The following NALCN variants were observed in gnomAD, a reference collection of about 807,000 sequenced individuals.
NALCN encodes sodium leak channel NALCN.
A neutral mutation model predicts 225.3 loss-of-function variants in NALCN; 111 were observed. The observed-to-expected ratio is 0.49, with a 90% CI of 0.42 to 0.58. The LOEUF (loss-of-function observed/expected upper bound fraction) is 0.58, where lower values mean the gene tolerates loss of function less well. Ranked by LOEUF, NALCN falls within the 20% of genes least tolerant of loss-of-function variation. The pLI, the probability that NALCN is intolerant of heterozygous loss-of-function variation, is 0.00. For missense variants in NALCN, 1,378 were observed against 2,202.4 expected (o/e 0.63, Z 7.49); for synonymous variants, 764 against 769.0 (o/e 0.99, Z 0.11).
At chr13:101,055,791 A>G (rs752384100) in intron 43 of NALCN, among the ~76,000 whole-genome samples, 1 of 152,164 alleles carries the variant, frequency 6.6e-6, no homozygotes, top group African/African-American at 2.4e-5. Flanking sequence ...GGAACTATTA[A>G]GTGTCACAGA....
At chr13:101,308,925 A>T (rs2044245876) in intron 7 of NALCN, among the ~76,000 whole-genome samples, 1 of 152,020 alleles carries the variant, frequency 6.6e-6, no homozygotes, top group Admixed American at 6.5e-5. Flanking sequence ...CGAAGAATGA[A>T]CTCCACCCAT....
rs112726018 is a variant in NALCN at position 101,310,997 on chromosome 13, G to A, written c.800-18631C>T. ...TTGATTCTTCCTACCCATGAGCATG[G>A]AATGTTCTTCCATTTGTTTGTATCC... On this transcript the variant is annotated intron_variant, in intron 7 of 43. Coordinates refer to ENST00000251127, the MANE Select transcript of NALCN (RefSeq NM_052867.4). 9.7e-3 allele frequency among the ~76,000 whole-genome samples: 1,478 copies of A among 151,954 alleles called. 24 individuals are homozygous for A. Among genetic ancestry groups the A allele is most frequent in the African/African-American group, 0.034 (1,405 of 41,428 alleles).
rs2030953540 is a variant in NALCN at position 101,054,438 on chromosome 13, A to G, written c.*857T>C. On this transcript the variant is annotated 3_prime_UTR_variant, in exon 44 of 44. Coordinates refer to ENST00000251127, the MANE Select transcript of NALCN (RefSeq NM_052867.4). ...ATACCTTGGGTAAGAAATGAAGCCAATGATAACATCACACATGCAAAGATT... is the reference window on the plus strand; with the variant it reads ...ATACCTTGGGTAAGAAATGAAGCCAGTGATAACATCACACATGCAAAGATT... 1 of 151,230 alleles carries G rather than the reference A, an allele frequency of 6.6e-6. No homozygotes were observed. Among genetic ancestry groups the G allele is most frequent in the Non-Finnish European group, 1.5e-5 (1 of 67,616 alleles). 9.4% of individuals were successfully genotyped at this position (151,230 alleles called of 1,614,324 possible). A position where few individuals can be genotyped will look rare whatever the true frequency, so the allele number is the denominator to read the frequency against.
At chr13:101,335,770 G>A (rs959441440) in intron 7 of NALCN, among the ~76,000 whole-genome samples, 2 of 151,306 alleles carry the variant, frequency 1.3e-5, no homozygotes, top group African/African-American at 4.9e-5. Flanking sequence ...TCTTTACTGG[G>A]CTTTTTCTTT....
intron 6 of NALCN, among the ~76,000 whole-genome samples, chr13:101,362,873 T>C (rs2046286307): frequency 6.6e-6 from 1 of 152,024 alleles, no homozygotes; most frequent in Non-Finnish European, 1.5e-5. Context: ...TTAGAAATGA[T>C]AAGCAAACTC....
At chr13:101,141,142 G>A (rs978480352) in intron 17 of NALCN, among the ~76,000 whole-genome samples, 2 of 152,166 alleles carry the variant, frequency 1.3e-5, no homozygotes, top group African/African-American at 2.4e-5. Context: ...AATCCCAGGG[G>A]AGAGAGAAGC....
intron 13 of NALCN, among the ~76,000 whole-genome samples, chr13:101,228,481 C>T (rs2041231120): frequency 6.6e-6 from 1 of 152,048 alleles, no homozygotes; most frequent in Non-Finnish European, 1.5e-5. Flanking sequence ...GCGGTTTCCC[C>T]CCTGCTGCTC....
intron 14 of NALCN, chr13:101,181,399 T>G: frequency 2.0e-6 from 1 of 505,580 alleles, no homozygotes; most frequent in Non-Finnish European, 4.0e-6. Flanking sequence ...TTTTAAAAGT[T>G]CTGGGGCTTT....
At chr13:101,086,732 T>C (rs1259598292) in intron 30 of NALCN, among the ~76,000 whole-genome samples, 1 of 152,126 alleles carries the variant, frequency 6.6e-6, no homozygotes, top group Non-Finnish European at 1.5e-5. Context: ...TGATTTTGGA[T>C]TTTCTAGCTT....
At chr13:101,302,562 G>A (rs1447353764) in intron 7 of NALCN, among the ~76,000 whole-genome samples, 1 of 151,986 alleles carries the variant, frequency 6.6e-6, no homozygotes, top group Non-Finnish European at 1.5e-5. Context: ...TAAAAATAAA[G>A]TTCTTATTTG....
chr13:101,273,167 T>G (rs933089396), intron 10 of NALCN, among the ~76,000 whole-genome samples: 1 of 152,148 alleles, frequency 6.6e-6, no homozygotes, highest in African/African-American at 2.4e-5. Context: ...TTCAAAAGTG[T>G]GCAGCCACAT....
intron 14 of NALCN, among the ~76,000 whole-genome samples, chr13:101,177,724 C>T (rs369625625): frequency 6.6e-6 from 1 of 152,058 alleles, no homozygotes; most frequent in Non-Finnish European, 1.5e-5. Context: ...ATTTCTAACT[C>T]ATATTTTTCT....
intron 9 of NALCN, among the ~76,000 whole-genome samples, chr13:101,284,774 T>C (rs1452980287): frequency 6.6e-6 from 1 of 152,186 alleles, no homozygotes. Flanking sequence ...TTGAATTAGA[T>C]ACCTAGGTTA....
chr13:101,138,022 C>A (rs2036887167), intron 17 of NALCN, among the ~76,000 whole-genome samples: 1 of 152,300 alleles, frequency 6.6e-6, no homozygotes, highest in Non-Finnish European at 1.5e-5. Context: ...CTTTGCATAC[C>A]TTTGCATATA....
chr13:101,377,205 T>C, intron 4 of NALCN, 149 bp from the exon 5 acceptor site: 1 of 964,656 alleles, frequency 1.0e-6, no homozygotes, highest in Non-Finnish European at 1.5e-6. Flanking sequence ...CACTTTCTTT[T>C]GAGTATATTT....
chr13:101,282,928 A>G lies in NALCN; in HGVS notation c.1134+1005T>C, dbSNP rs145640994. On this transcript the variant is annotated intron_variant, in intron 10 of 43. Coordinates refer to ENST00000251127, the MANE Select transcript of NALCN (RefSeq NM_052867.4). ...CATGTACCCATCCTTGAGTTGCATA[A>G]GAAGTCCCTATCTGGAGAAAGACCC... Among the ~76,000 whole-genome samples, 914 of 152,274 alleles carry G rather than the reference A, an allele frequency of 6.0e-3. 10 individuals are homozygous for G. The highest frequency in any genetic ancestry group is 0.021 in the African/African-American group (861 of 41,560).
At chr13:101,110,393 C>T (rs900140699) in intron 20 of NALCN, among the ~76,000 whole-genome samples, 4 of 152,178 alleles carry the variant, frequency 2.6e-5, no homozygotes, top group African/African-American at 9.7e-5. Context: ...ACTATTTTAA[C>T]TAAGACATGT....
At chr13:101,356,391 C>T (rs533376626) in intron 6 of NALCN, among the ~76,000 whole-genome samples, 18 of 152,200 alleles carry the variant, frequency 1.2e-4, no homozygotes, top group Admixed American at 1.1e-3. Flanking sequence ...CACAGAAATA[C>T]AAAATACCAT....
chr13:101,102,759 T>C (rs1288506449), intron 26 of NALCN, among the ~76,000 whole-genome samples: 4 of 152,216 alleles, frequency 2.6e-5, no homozygotes, highest in Non-Finnish European at 5.9e-5. Flanking sequence ...TTCTGTGCTA[T>C]ATTATTTCAG....
Sources: gnomAD v4.1 joint callset for allele counts (sites outside exome capture counted in the v4.1 genomes callset) on GRCh38, gnomAD v4.1.1 for gene constraint, MANE v1.5 for transcripts, NCBI Gene and HGNC (gene_info 2026-07-23, HGNC 2026-07-21) for gene names.